The following HS3ST3A1 variants were observed in gnomAD, a reference collection of about 807,000 sequenced individuals.
The protein encoded by HS3ST3A1 is heparan sulfate glucosamine 3-O-sulfotransferase 3A1.
A neutral mutation model predicts 25.7 loss-of-function variants in HS3ST3A1; 19 were observed. That is an observed-to-expected ratio of 0.74 (90% CI 0.52 to 1.08). HS3ST3A1 has a LOEUF of 1.08. Among genes scored for constraint, HS3ST3A1 ranks in the 50% least tolerant of loss-of-function variants. The probability of loss-of-function intolerance (pLI) is 0.00; values close to 1 mark genes in which losing one functional copy is unlikely to be tolerated. For synonymous variants in HS3ST3A1, 226 were observed against 278.6 expected (o/e 0.81, Z 1.88); for missense variants, 459 against 594.3 (o/e 0.77, Z 2.37).
intron 1 of HS3ST3A1, among the ~76,000 whole-genome samples, chr17:13,513,576 T>C (rs1008657060): frequency 5.3e-5 from 8 of 152,240 alleles, no homozygotes; most frequent in Admixed American, 4.6e-4. Flanking sequence ...GTTAATAACT[T>C]ATTTATAAAA....
chr17:13,564,997 C>T, intron 1 of HS3ST3A1, among the ~76,000 whole-genome samples: 1 of 152,046 alleles, frequency 6.6e-6, no homozygotes. Flanking sequence ...GCTGGGATTA[C>T]AGACATGAGC....
chr17:13,512,321 A>AAAACAAAAAAAC (rs1555537367), intron 1 of HS3ST3A1, among the ~76,000 whole-genome samples: 1 of 144,676 alleles, frequency 6.9e-6, no homozygotes, highest in Non-Finnish European at 1.5e-5. Context: ...AAAAAAAAAA[A>AAAACAAAAAAAC]AAAAAACTGC....
intron 1 of HS3ST3A1, among the ~76,000 whole-genome samples, chr17:13,580,951 G>A (rs1442336337): frequency 6.6e-6 from 1 of 152,118 alleles, no homozygotes; most frequent in African/African-American, 2.4e-5. Flanking sequence ...GGCGGTTGGG[G>A]CATGTACCTG....
intron 1 of HS3ST3A1, among the ~76,000 whole-genome samples, chr17:13,497,643 C>T (rs1218387188): frequency 6.6e-6 from 1 of 152,204 alleles, no homozygotes; most frequent in African/African-American, 2.4e-5. Flanking sequence ...CTACTGGCCT[C>T]AGTCAGGGCC....
At chr17:13,588,226 A>G (rs1598434485) in intron 1 of HS3ST3A1, among the ~76,000 whole-genome samples, 1 of 152,006 alleles carries the variant, frequency 6.6e-6, no homozygotes, top group Admixed American at 6.6e-5. Context: ...TAAACACTGT[A>G]CCACCCACAA....
intron 1 of HS3ST3A1, among the ~76,000 whole-genome samples, chr17:13,519,405 C>G (rs1906155647): frequency 6.6e-6 from 1 of 152,112 alleles, no homozygotes; most frequent in Non-Finnish European, 1.5e-5. Context: ...TATAAAGCTG[C>G]AAACGGCTGA....
intron 1 of HS3ST3A1, among the ~76,000 whole-genome samples, chr17:13,550,177 T>C (rs1272470369): frequency 6.6e-6 from 1 of 152,212 alleles, no homozygotes; most frequent in African/African-American, 2.4e-5. Flanking sequence ...TTTGTTTTGT[T>C]TTAATTTTTT....
intron 1 of HS3ST3A1, among the ~76,000 whole-genome samples, chr17:13,506,652 A>T (rs1417705382): frequency 6.6e-6 from 1 of 152,228 alleles, no homozygotes; most frequent in Non-Finnish European, 1.5e-5. Flanking sequence ...CAGCAGAAAG[A>T]CCAGGAAATC....
At chr17:13,575,578 A>G (rs1907928923) in intron 1 of HS3ST3A1, among the ~76,000 whole-genome samples, 1 of 152,198 alleles carries the variant, frequency 6.6e-6, no homozygotes, top group Admixed American at 6.5e-5. Flanking sequence ...CAAAGATTTT[A>G]GCTCCTTCTG....
chr17:13,594,124 A>T (rs1367036889), intron 1 of HS3ST3A1, among the ~76,000 whole-genome samples: 1 of 152,178 alleles, frequency 6.6e-6, no homozygotes, highest in East Asian at 1.9e-4. Context: ...TACTGGGGTT[A>T]CGGATTTGGG....
chr17:13,531,606 G>A (rs1305802138), intron 1 of HS3ST3A1, among the ~76,000 whole-genome samples: 1 of 143,546 alleles, frequency 7.0e-6, no homozygotes, highest in Non-Finnish European at 1.5e-5. Flanking sequence ...TCTTGGCCCA[G>A]ACTAAGCAAA....
intron 1 of HS3ST3A1, among the ~76,000 whole-genome samples, chr17:13,587,508 T>G (rs777653692): frequency 2.0e-5 from 3 of 152,166 alleles, no homozygotes; most frequent in Admixed American, 6.5e-5. Context: ...GTTCCTAACT[T>G]GATGTCTCAC....
At chr17:13,598,375 C>G (rs1392666336) in intron 1 of HS3ST3A1, among the ~76,000 whole-genome samples, 1 of 152,040 alleles carries the variant, frequency 6.6e-6, no homozygotes, top group African/African-American at 2.4e-5. Flanking sequence ...TCACATAATC[C>G]AGGCTCCATA....
At chr17:13,587,133 A>T (rs1197647218) in intron 1 of HS3ST3A1, among the ~76,000 whole-genome samples, 1 of 151,876 alleles carries the variant, frequency 6.6e-6, no homozygotes, top group African/African-American at 2.4e-5. Flanking sequence ...CCTTTTGAAT[A>T]AAGTCCCAAC....
At chr17:13,576,331 G>A (rs1907948014) in intron 1 of HS3ST3A1, among the ~76,000 whole-genome samples, 1 of 152,190 alleles carries the variant, frequency 6.6e-6, no homozygotes, top group Non-Finnish European at 1.5e-5. Flanking sequence ...AGGTGGAAGA[G>A]TCACTCCAAG....
intron 1 of HS3ST3A1, among the ~76,000 whole-genome samples, chr17:13,579,701 C>CAAAAA (rs543748713): frequency 4.2e-5 from 1 of 23,654 alleles, no homozygotes; most frequent in Non-Finnish European, 7.9e-5. Flanking sequence ...ACTCCATCTC[C>CAAAAA]AAAAAAAAAA....
intron 1 of HS3ST3A1, among the ~76,000 whole-genome samples, chr17:13,565,071 A>G (rs1334004378): frequency 6.6e-6 from 1 of 151,798 alleles, no homozygotes; most frequent in Non-Finnish European, 1.5e-5. Context: ...TCTATGTACT[A>G]TGTCTGTTTG....
chr17:13,528,471 CT>C (rs1906506963), intron 1 of HS3ST3A1, among the ~76,000 whole-genome samples: 1 of 152,204 alleles, frequency 6.6e-6, no homozygotes. Flanking sequence ...GACACCAAGG[CT>C]TAGCCCAGTG....
At chr17:13,510,622 T>C (rs1020842524) in intron 1 of HS3ST3A1, among the ~76,000 whole-genome samples, 1 of 152,228 alleles carries the variant, frequency 6.6e-6, no homozygotes, top group African/African-American at 2.4e-5. Flanking sequence ...GCTATGATTT[T>C]GGCAGGAGTC....
Sources: allele counts gnomAD v4.1 joint callset (sites outside exome capture counted in the v4.1 genomes callset), GRCh38; gene constraint gnomAD v4.1.1; transcripts MANE v1.5; gene names NCBI Gene and HGNC (gene_info 2026-07-23, HGNC 2026-07-21).